The following CTNNA2 variants were observed in gnomAD, a reference collection of about 807,000 sequenced individuals.
CTNNA2 encodes the protein catenin alpha 2, also known as catenin alpha-2.
CTNNA2 carries 42 observed loss-of-function variants against 101.0 expected under a neutral mutation model. The observed-to-expected ratio is 0.42, with a 90% CI of 0.32 to 0.54. The LOEUF (loss-of-function observed/expected upper bound fraction) is 0.54, where lower values mean the gene tolerates loss of function less well. Ranked by LOEUF, CTNNA2 falls within the 20% of genes least tolerant of loss-of-function variation. CTNNA2 has a pLI of 0.14. For synonymous variants in CTNNA2, 450 were observed against 456.4 expected (o/e 0.99, Z 0.18); for missense variants, 871 against 1,223.1 (o/e 0.71, Z 4.29).
intron 7 of CTNNA2, among the ~76,000 whole-genome samples, chr2:80,216,359 C>G (rs1449872740): frequency 6.6e-6 from 1 of 152,170 alleles, no homozygotes; most frequent in Non-Finnish European, 1.5e-5. Context: ...AACTGGAACT[C>G]TGAACAGATT....
intron 9 of CTNNA2, among the ~76,000 whole-genome samples, chr2:80,536,215 C>T (rs1039863630): frequency 1.3e-5 from 2 of 152,106 alleles, no homozygotes; most frequent in African/African-American, 4.8e-5. Flanking sequence ...AATAAACCTT[C>T]AGATGGAGAC....
At chr2:79,647,981 C>T (rs961491225) in intron 1 of CTNNA2, among the ~76,000 whole-genome samples, 1 of 152,136 alleles carries the variant, frequency 6.6e-6, no homozygotes, top group African/African-American at 2.4e-5. Context: ...AAGCACATTC[C>T]AAATGTCTAC....
intron 7 of CTNNA2, among the ~76,000 whole-genome samples, chr2:80,070,650 G>A (rs1558778476): frequency 6.6e-6 from 1 of 151,406 alleles, no homozygotes; most frequent in Non-Finnish European, 1.5e-5. Flanking sequence ...CTGGGAGGTC[G>A]AGGCTGCAGT....
chr2:80,162,803 G>C (rs1033682624), intron 7 of CTNNA2: 3 of 1,589,354 alleles, frequency 1.9e-6, no homozygotes, highest in Non-Finnish European at 2.6e-6. Flanking sequence ...TCAAAGCACT[G>C]TTCATCACTG....
chr2:79,309,978 A>C (rs1300432378), intron 2 of CTNNA2, among the ~76,000 whole-genome samples: 1 of 152,092 alleles, frequency 6.6e-6, no homozygotes, highest in African/African-American at 2.4e-5. Context: ...TTTTATTTTC[A>C]TAAATGCTAT....
chr2:80,150,675 T>C (rs569965791), intron 7 of CTNNA2, among the ~76,000 whole-genome samples: 1 of 152,326 alleles, frequency 6.6e-6, no homozygotes, highest in African/African-American at 2.4e-5. Flanking sequence ...ATGATTATTG[T>C]ATTTAAATAA....
Position 79,227,080 on chromosome 2 carries a change from G to A in CTNNA2, c.-406+29004G>A, listed in dbSNP as rs79554045. On this transcript the variant is annotated intron_variant, in intron 2 of 21. Transcript: ENST00000466387. The stretch of plus-strand genomic sequence containing the variant: ...TAAAAATGAAAATATACCTGGGAGG[G>A]TTATCACATTCAGCAGTCTCTTGAG... 6.4e-3 allele frequency among the ~76,000 whole-genome samples: 976 copies of A among 152,200 alleles called. 13 individuals carry two copies. The highest frequency in any genetic ancestry group is 0.023 in the African/African-American group (941 of 41,534).
intron 4 of CTNNA2, among the ~76,000 whole-genome samples, chr2:79,387,720 C>T (rs1427181446): frequency 7.2e-6 from 1 of 138,598 alleles, no homozygotes; most frequent in Non-Finnish European, 1.5e-5. Context: ...ACTCCAAAAC[C>T]TGGCGGCAGA....
At chr2:79,599,004 C>T (rs981221905) in intron 1 of CTNNA2, among the ~76,000 whole-genome samples, 3 of 151,988 alleles carry the variant, frequency 2.0e-5, no homozygotes, top group Admixed American at 6.6e-5. Context: ...ATATCTAGAC[C>T]GCTTTTTTTA....
intron 2 of CTNNA2, among the ~76,000 whole-genome samples, chr2:79,661,454 A>C (rs961341755): frequency 2.6e-5 from 4 of 152,364 alleles, no homozygotes; most frequent in Admixed American, 2.6e-4. Context: ...GACTGTGTTT[A>C]ATGTACTACT....
At chr2:79,324,129 T>G (rs544717933) in intron 3 of CTNNA2, among the ~76,000 whole-genome samples, 1 of 152,318 alleles carries the variant, frequency 6.6e-6, no homozygotes, top group South Asian at 2.1e-4. Flanking sequence ...TATAAAATTC[T>G]TTTGATGGCA....
chr2:79,977,811 T>C (rs1165010968), intron 7 of CTNNA2, among the ~76,000 whole-genome samples: 1 of 152,102 alleles, frequency 6.6e-6, no homozygotes, highest in Non-Finnish European at 1.5e-5. Context: ...CAATAAGCCT[T>C]GCCAGTCTGT....
chr2:79,208,768 A>G (rs1212817215), intron 2 of CTNNA2, among the ~76,000 whole-genome samples: 1 of 152,198 alleles, frequency 6.6e-6, no homozygotes, highest in East Asian at 1.9e-4. Flanking sequence ...ATAATTTGCT[A>G]TTGAAACCTA....
chr2:79,762,318 C>T (rs372298630), intron 3 of CTNNA2, among the ~76,000 whole-genome samples: 69 of 152,212 alleles, frequency 4.5e-4, no homozygotes, highest in African/African-American at 1.4e-3. Flanking sequence ...GGGAAAGACA[C>T]GGAAAACAAG....
rs111754627 is a variant in CTNNA2 at position 80,591,729 on chromosome 2, A to G, written c.2189+2244A>G. On this transcript the variant is annotated intron_variant, in intron 15 of 18. Coordinates refer to ENST00000402739, the MANE Select transcript of CTNNA2 (RefSeq NM_001282597.3). ...TGTGTAAAGGGCATGTGGGTACACA[A>G]TACCCTGGCATTTATTATCTTGTTG... Among the ~76,000 whole-genome samples, 1,345 of 152,190 alleles carry G rather than the reference A, an allele frequency of 8.8e-3. 14 individuals are homozygous for G. The highest frequency in any genetic ancestry group is 0.03 in the African/African-American group (1,236 of 41,538).
chr2:79,656,279 T>C (rs929045004), intron 2 of CTNNA2, among the ~76,000 whole-genome samples: 5 of 152,190 alleles, frequency 3.3e-5, no homozygotes, highest in African/African-American at 9.6e-5. Flanking sequence ...AAGGGAATAT[T>C]AGCTATAAAC....
intron 2 of CTNNA2, among the ~76,000 whole-genome samples, chr2:79,268,250 A>T (rs1160606407): frequency 1.3e-5 from 2 of 152,164 alleles, no homozygotes; most frequent in Non-Finnish European, 2.9e-5. Flanking sequence ...CATAATGGTC[A>T]GCAAGATCAG....
intron 3 of CTNNA2, among the ~76,000 whole-genome samples, chr2:79,820,819 C>G (rs1211206974): frequency 6.6e-6 from 1 of 152,010 alleles, no homozygotes; most frequent in East Asian, 1.9e-4. Flanking sequence ...GACATAGGAC[C>G]CCTAATTTCA....
Position 80,303,542 on chromosome 2 carries a change from C to G in CTNNA2, c.1057-89669C>G. The G allele has an allele frequency of 6.2e-7, 1 of 1,614,240 alleles. No individual in the cohort carries two copies. Among genetic ancestry groups the G allele is most frequent in the Non-Finnish European group, 8.5e-7 (1 of 1,180,050 alleles). ...GATGTGATTGTGATCCAGATAGAGC[C>G]ACGTGAGCTGCATTAACCCCGTGAA... is the stretch of plus-strand genomic sequence containing the variant. On this transcript the variant is annotated intron_variant, in intron 7 of 18. Coordinates refer to ENST00000402739, the MANE Select transcript of CTNNA2 (RefSeq NM_001282597.3). The surrounding 1 kb of genome is among the most constrained non-coding windows in gnomAD (Gnocchi z 7.7).
Sources: gnomAD v4.1 joint callset for allele counts (sites outside exome capture counted in the v4.1 genomes callset) on GRCh38, gnomAD v4.1.1 for gene constraint, Gnocchi (gnomAD v3.1) non-coding constraint, MANE v1.5 for transcripts, NCBI Gene and HGNC (gene_info 2026-07-23, HGNC 2026-07-21) for gene names.